CHD8: variants seen among roughly 807,000 people sequenced by gnomAD.
The protein encoded by CHD8 is chromodomain helicase DNA binding protein 8.
A neutral mutation model predicts 279.2 loss-of-function variants in CHD8; 31 were observed. That is an observed-to-expected ratio of 0.11 (90% CI 0.08 to 0.15). CHD8 has a LOEUF of 0.15. CHD8 is among the 10% of genes least tolerant of loss of function. CHD8 has a pLI of 1.00. For missense variants in CHD8, 2,146 were observed against 3,230.5 expected (o/e 0.66, Z 8.14); for synonymous variants, 1,081 against 1,139.6 (o/e 0.95, Z 1.04).
Position 21,430,858 on chromosome 14 carries a change from A to G in CHD8, c.786T>C (p.Pro262=). 1.3e-6 allele frequency: 2 copies of G among 1,599,420 alleles called. No homozygotes were observed. Among genetic ancestry groups the G allele is most frequent in the Non-Finnish European group, 1.7e-6 (2 of 1,179,742 alleles). Residue 262 remains proline, a synonymous_variant, in exon 2 of 38, where the codon CCT becomes CCC. Transcript: ENST00000646647. ...PVKGSAPAGN[P]GATGPPLKPA... Reference sequence around the variant, plus strand: ...GCTTCAGTGGGGGCCCTGTGGCCCCAGGGTTTCCAGCAGGAGCTGAACCCT... The same window carrying G: ...GCTTCAGTGGGGGCCCTGTGGCCCCGGGGTTTCCAGCAGGAGCTGAACCCT...
chr14:21,416,871 C>T (rs980304956), intron 5 of CHD8, among the ~76,000 whole-genome samples: 1 of 151,222 alleles, frequency 6.6e-6, no homozygotes, highest in Admixed American at 6.6e-5. Context: ...TTTGGGAGAC[C>T]GAGGCAGGTG....
intron 1 of CHD8, among the ~76,000 whole-genome samples, chr14:21,434,988 A>C (rs1316344562): frequency 6.6e-6 from 1 of 152,208 alleles, no homozygotes; most frequent in African/African-American, 2.4e-5. Flanking sequence ...AAAAATGAAC[A>C]GATGTTAAGT....
chr14:21,401,513 C>T lies in CHD8; in HGVS notation c.4063G>A (p.Ala1355Thr). ...CTGTTTTCAGAAGCAACAAAGCTTG[C>T]CTAGAGAAAAACAAATGCAGAGGTA... ...SEGKGSTFAK[A>T]SFVASENRTD... Residue 1355 changes from alanine to threonine, a missense_variant and splice_region_variant, in exon 21 of 38, where the codon GCA (alanine) becomes ACA (threonine). Ala to Thr is a moderately conservative substitution (Grantham distance 58). Coordinates refer to ENST00000646647, the MANE Select transcript of CHD8 (RefSeq NM_001170629.2). 1 of 1,548,352 alleles carries T rather than the reference C, an allele frequency of 6.5e-7. No homozygotes were observed. The highest frequency in any genetic ancestry group is 8.7e-7 in the Non-Finnish European group (1 of 1,148,498).
chr14:21,412,916 C>A lies in CHD8; in HGVS notation c.2223G>T (p.Gly741=), dbSNP rs776342128. The change falls in exon 10 of 38, where the codon GGG becomes GGT. Residue 741 remains glycine (G), a synonymous_variant. Coordinates refer to ENST00000646647, the MANE Select transcript of CHD8 (RefSeq NM_001170629.2). ...ACTCCATGCCTCAACAACTCACCTC[C>A]CCATTGTCCTTGTCAATACTGTGAG... ...DESHSIDKDN[G]EPVIYYLVKW... 6 of 1,591,954 alleles carry A rather than the reference C, an allele frequency of 3.8e-6. No homozygotes were observed. Among genetic ancestry groups the A allele is most frequent in the Non-Finnish European group, 5.2e-6 (6 of 1,160,144 alleles).
intron 5 of CHD8, among the ~76,000 whole-genome samples, chr14:21,421,871 T>C (rs2139516255): frequency 6.6e-6 from 1 of 152,322 alleles, no homozygotes; most frequent in East Asian, 1.9e-4. Context: ...CTAATGTTCT[T>C]ACAGAAGGAA....
chr14:21,456,011 G>C (rs1012890789), intron 1 of CHD8, 21 bp downstream of exon 1: 2 of 152,374 alleles, frequency 1.3e-5, no homozygotes, highest in Admixed American at 6.6e-5. Context: ...ACTGAGGAGC[G>C]GGTGCGAGCG....
chr14:21,405,415 T>C lies in CHD8; in HGVS notation c.3101A>G (p.Lys1034Arg), dbSNP rs770941603. Residue 1034 changes from lysine to arginine, a missense_variant, in exon 16 of 38, where the codon AAA becomes AGA. Lys to Arg is a conservative substitution (Grantham distance 26). This residue lies in a region of CHD8 where 211 missense variants were observed against 464.7 expected (regional missense o/e 0.45). Coordinates refer to ENST00000646647, the MANE Select transcript of CHD8 (RefSeq NM_001170629.2). The surrounding 1 kb of genome is among the most constrained non-coding windows in gnomAD (Gnocchi z 4.2). Reference protein sequence around the residue: ...ILKPMMLRRLKEDVEKNLAPK... With the variant: ...ILKPMMLRRLREDVEKNLAPK... ...TGCCAAGTTTTTTTCAACATCCTCT[T>C]TGAGTCTTCTCAGCATCATTGGCTT... 6.2e-7 allele frequency: 1 copy of C among 1,601,020 alleles called. No homozygotes were observed. The highest frequency in any genetic ancestry group is 2.2e-5 in the East Asian group (1 of 44,626).
In CHD8 at chr14:21,410,321, T is replaced by C. The variant is rs1444707039; in HGVS notation, c.2227-333A>G. ...TATACCATGTTGAAATTAAAAGATA[T>C]GTTTCTGTGCCATACTATTCTCCTG... is the stretch of plus-strand genomic sequence containing the variant. On this transcript the variant is annotated intron_variant, in intron 10 of 37. Transcript: ENST00000646647. 2.6e-5 allele frequency among the ~76,000 whole-genome samples: 4 copies of C among 152,190 alleles called. No individual in the cohort carries two copies. The East Asian group carries it at 7.7e-4, about 29-fold the overall frequency.
rs774941673 is a variant in CHD8 at position 21,393,173 on chromosome 14, T to C, written c.6401A>G (p.Asp2134Gly). The C allele has an allele frequency of 1.1e-5, 18 of 1,613,826 alleles. No homozygotes were observed. The highest frequency in any genetic ancestry group is 1.4e-5 in the Non-Finnish European group (16 of 1,179,872). Reference protein sequence around the residue: ...TMSQDGFPNEDGEQMTPELLL... With the variant: ...TMSQDGFPNEGGEQMTPELLL... Reference sequence around the variant, plus strand: ...AAGCTCAGGGGTCATTTGTTCTCCATCTTCATTTGGGAATCCATCTTGGGA... The same window carrying C: ...AAGCTCAGGGGTCATTTGTTCTCCACCTTCATTTGGGAATCCATCTTGGGA... Residue 2134 changes from aspartate to glycine, a missense_variant, in exon 33 of 38, where the codon GAT becomes GGT. By Grantham distance (94) the Asp-to-Gly change is moderately conservative (BLOSUM62 -1). Coordinates refer to ENST00000646647, the MANE Select transcript of CHD8 (RefSeq NM_001170629.2).
At chr14:21,394,669 TAC>T in intron 30 of CHD8, 184 bp from the exon 31 acceptor site, 1 of 620,552 alleles carries the variant, frequency 1.6e-6, no homozygotes, top group Non-Finnish European at 2.7e-6. Flanking sequence ...GAGTAAGAAT[TAC>T]AGAGCCAAGG....
intron 20 of CHD8, 94 bp downstream of exon 20, chr14:21,401,863 G>C (rs1027686374): frequency 7.7e-5 from 94 of 1,219,464 alleles, no homozygotes; most frequent in African/African-American, 6.7e-4. Context: ...TGGGAATATA[G>C]GCATGAGCCA....
intron 30 of CHD8, 127 bp from the exon 31 acceptor site, chr14:21,394,612 A>AC (rs2139449266): frequency 1.8e-6 from 1 of 558,746 alleles, no homozygotes; most frequent in African/African-American, 1.9e-5. Context: ...ACGCAAAAAA[A>AC]AAAAAAAAAA....
rs190978463 is a variant in CHD8, at chr14:21,428,063, A to G, written c.1407T>C (p.Ile469=). Residue 469 remains isoleucine (I), a synonymous_variant, in exon 4 of 38, where the codon ATT becomes ATC. Transcript: ENST00000646647. ...EKANRIVAEA[I]ARARARGEQN... Reference sequence around the variant, plus strand: ...GCTCACCGCGGGCACGGGCTCTCGCAATGGCCTCTGCTACAATCCGATTTG... The same window carrying G: ...GCTCACCGCGGGCACGGGCTCTCGCGATGGCCTCTGCTACAATCCGATTTG... 9.9e-5 allele frequency: 160 copies of G among 1,614,036 alleles called. No individual in the cohort carries two copies. The African/African-American group carries it at 1.9e-3, about 19-fold the overall frequency.
At chr14:21,453,074 C>G (rs1397110475) in intron 1 of CHD8, among the ~76,000 whole-genome samples, 1 of 151,632 alleles carries the variant, frequency 6.6e-6, no homozygotes, top group Non-Finnish European at 1.5e-5. Flanking sequence ...TTCGGGAGGC[C>G]AAGGTGGGTG....
At chr14:21,451,261 C>A (rs926222272) in intron 1 of CHD8, among the ~76,000 whole-genome samples, 1 of 152,102 alleles carries the variant, frequency 6.6e-6, no homozygotes. Flanking sequence ...TCTTTCCCTG[C>A]TGAAGACTAA....
intron 11 of CHD8, 150 bp downstream of exon 11, chr14:21,409,701 C>T: frequency 3.3e-6 from 2 of 614,948 alleles, no homozygotes; most frequent in Non-Finnish European, 2.8e-6. Flanking sequence ...ATAATTGTTA[C>T]GTGGGTGATG....
intron 1 of CHD8, among the ~76,000 whole-genome samples, chr14:21,449,277 TCA>T (rs1365544249): frequency 6.6e-5 from 10 of 152,336 alleles, no homozygotes; most frequent in African/African-American, 2.2e-4. Flanking sequence ...TTACCTAACC[TCA>T]CAGTCTTTTT....
chr14:21,415,096 A>AATAT (rs1183407108), intron 7 of CHD8, 103 bp from the exon 8 acceptor site: 8 of 737,040 alleles, frequency 1.1e-5, no homozygotes, highest in South Asian at 3.3e-5. Context: ...ATAATCTCTG[A>AATAT]ATATATTAAT....
intron 8 of CHD8, 74 bp downstream of exon 8, chr14:21,414,864 C>T: frequency 1.8e-6 from 2 of 1,117,912 alleles, no homozygotes; most frequent in Non-Finnish European, 1.3e-6. Flanking sequence ...CACATTCCCA[C>T]CCAGGATACC....
Sources: allele counts gnomAD v4.1 joint callset (sites outside exome capture counted in the v4.1 genomes callset), GRCh38; gene constraint gnomAD v4.1.1; regional missense constraint gnomAD v4.1.1; non-coding constraint Gnocchi (gnomAD v3.1); transcripts MANE v1.5; gene names NCBI Gene and HGNC (gene_info 2026-07-23, HGNC 2026-07-21).